Variants in INPP4B observed in about 807,000 individuals in gnomAD.
INPP4B encodes the protein inositol polyphosphate 4-phosphatase type II.
Under a neutral mutation model 122.5 loss-of-function variants are expected in INPP4B, and 55 were observed. That is an observed-to-expected ratio of 0.45 (90% CI 0.36 to 0.56). INPP4B has a LOEUF of 0.56. Among genes scored for constraint, INPP4B ranks in the 20% least tolerant of loss-of-function variants. INPP4B has a pLI of 0.00. For missense variants in INPP4B, 1,000 were observed against 1,097.7 expected (o/e 0.91, Z 1.26); for synonymous variants, 403 against 388.7 (o/e 1.04, Z -0.43).
chr4:142,469,535 G>C (rs1183365039), intron 2 of INPP4B, among the ~76,000 whole-genome samples: 1 of 151,986 alleles, frequency 6.6e-6, no homozygotes, highest in African/African-American at 2.4e-5. Flanking sequence ...AAGTATTCTA[G>C]ATCATAAAGA....
intron 2 of INPP4B, among the ~76,000 whole-genome samples, chr4:142,628,435 T>C (rs1382932114): frequency 1.9e-5 from 1 of 53,292 alleles, no homozygotes; most frequent in Non-Finnish European, 4.8e-5. Flanking sequence ...GGGGGAGGGA[T>C]AGCATTGGGA....
chr4:142,068,551 G>T (rs932127548), intron 25 of INPP4B, among the ~76,000 whole-genome samples: 2 of 152,204 alleles, frequency 1.3e-5, no homozygotes, highest in African/African-American at 2.4e-5. Flanking sequence ...TGGATAAAGA[G>T]TCAAGAGCCA....
In INPP4B at chr4:142,318,907, T is replaced by C. The variant is rs10000951; in HGVS notation, c.373-4145A>G. Reference sequence around the variant, plus strand: ...GCTGCTTCAGCTACCAATACAGCAGTGGAACATAGGACTTTAATGCTCATA... The same window carrying C: ...GCTGCTTCAGCTACCAATACAGCAGCGGAACATAGGACTTTAATGCTCATA... On this transcript the variant is annotated intron_variant, in intron 7 of 25. Transcript: ENST00000262992. 8.5e-3 allele frequency among the ~76,000 whole-genome samples: 1,299 copies of C among 152,298 alleles called. 18 individuals are homozygous for C. The highest frequency in any genetic ancestry group is 0.029 in the African/African-American group (1,220 of 41,560).
chr4:142,545,004 C>T (rs998718214), intron 2 of INPP4B, among the ~76,000 whole-genome samples: 2 of 152,032 alleles, frequency 1.3e-5, no homozygotes, highest in Non-Finnish European at 2.9e-5. Flanking sequence ...AAGAGTTGTA[C>T]ATGTTCAGTT....
chr4:142,437,411 G>A lies in INPP4B; in HGVS notation c.-126-6026C>T, dbSNP rs1906872. On this transcript the variant is annotated intron_variant, in intron 3 of 25. Coordinates refer to ENST00000262992, the MANE Select transcript of INPP4B (RefSeq NM_001101669.3). ...TCAAATTCAAGAAATACAAAGAACC[G>A]CACTAAGATACTCCATTAGAAGATC... Among the ~76,000 whole-genome samples the A allele has an allele frequency of 8.2e-3, 1,247 of 151,970 alleles. 41 individuals are homozygous for A. The highest frequency in any genetic ancestry group is 0.05 in the Admixed American group (770 of 15,254).
At chr4:142,725,151 C>A (rs1220632936) in intron 2 of INPP4B, among the ~76,000 whole-genome samples, 1 of 152,212 alleles carries the variant, frequency 6.6e-6, no homozygotes, top group East Asian at 1.9e-4. Flanking sequence ...CATACTCACA[C>A]TTTGTGTACA....
chr4:142,239,280 T>C (rs1173796392), intron 11 of INPP4B, among the ~76,000 whole-genome samples: 2 of 152,104 alleles, frequency 1.3e-5, no homozygotes, highest in Non-Finnish European at 2.9e-5. Context: ...AACCACCAGA[T>C]TCAAAACTTC....
chr4:142,189,752 G>A (rs142679843), intron 15 of INPP4B, among the ~76,000 whole-genome samples: 33 of 152,246 alleles, frequency 2.2e-4, no homozygotes, highest in African/African-American at 7.0e-4. Flanking sequence ...TTTATATAGC[G>A]TTTTAGAAAC....
At chr4:142,290,309 C>T (rs1423753587) in intron 9 of INPP4B, among the ~76,000 whole-genome samples, 3 of 142,190 alleles carry the variant, frequency 2.1e-5, no homozygotes, top group African/African-American at 5.3e-5. Flanking sequence ...CAGGTTCAAG[C>T]GATTCTCCTG....
chr4:142,539,945 G>A (rs1828741021), intron 2 of INPP4B, among the ~76,000 whole-genome samples: 2 of 151,962 alleles, frequency 1.3e-5, no homozygotes, highest in South Asian at 4.1e-4. Flanking sequence ...AAAATAAAAT[G>A]TTCATGCTAG....
intron 2 of INPP4B, among the ~76,000 whole-genome samples, chr4:142,680,812 G>A (rs142181618): frequency 2.4e-3 from 366 of 151,900 alleles, no homozygotes; most frequent in Non-Finnish European, 2.9e-3. Flanking sequence ...CTAGGTTCTT[G>A]AAACACCAGG....
At chr4:142,833,892 A>G (rs1247910936) in intron 1 of INPP4B, among the ~76,000 whole-genome samples, 1 of 152,164 alleles carries the variant, frequency 6.6e-6, no homozygotes, top group Admixed American at 6.5e-5. Flanking sequence ...GCGCACCCAG[A>G]CTATCTGGTG....
At chr4:142,418,540 G>C (rs1424200329) in intron 5 of INPP4B, among the ~76,000 whole-genome samples, 1 of 152,112 alleles carries the variant, frequency 6.6e-6, no homozygotes, top group Non-Finnish European at 1.5e-5. Context: ...AAACTTGAGA[G>C]TGTTAGGGAC....
intron 1 of INPP4B, among the ~76,000 whole-genome samples, chr4:142,790,425 A>G (rs79304594): frequency 0.014 from 2,176 of 152,298 alleles, 30 homozygotes; most frequent in Non-Finnish European, 0.022. Flanking sequence ...GATATTTCTC[A>G]AAAGAAGATA....
At chr4:142,127,066 C>T (rs1234375064) in intron 18 of INPP4B, among the ~76,000 whole-genome samples, 1 of 152,132 alleles carries the variant, frequency 6.6e-6, no homozygotes, top group Non-Finnish European at 1.5e-5. Flanking sequence ...TAAAATACAT[C>T]TTCTGTGCAG....
intron 2 of INPP4B, chr4:142,654,367 T>TAAAAAAAAAAAAAAAA (rs10677341): frequency 2.0e-5 from 2 of 100,996 alleles, no homozygotes; most frequent in Non-Finnish European, 3.8e-5. Context: ...ACTTAAAGTA[T>TAAAAAAAAAAAAAAAA]AAAAAAAAAA....
rs116270798 is a variant in INPP4B, at chr4:142,361,832, T to C, written c.372+41106A>G. Among the ~76,000 whole-genome samples, 831 of 152,070 alleles carry C rather than the reference T, an allele frequency of 5.5e-3. 5 individuals carry two copies. Among genetic ancestry groups the C allele is most frequent in the South Asian group, 0.016 (77 of 4,830 alleles). ...ATAGTAGACAAAAGAATGAAAATAA[T>C]TAATTTTATAAGTAATTATCAAACA... On this transcript the variant is annotated intron_variant, in intron 7 of 25. Transcript: ENST00000262992.
At chr4:142,821,619 C>T (rs1780801060) in intron 1 of INPP4B, among the ~76,000 whole-genome samples, 1 of 151,988 alleles carries the variant, frequency 6.6e-6, no homozygotes, top group Admixed American at 6.6e-5. Context: ...CCAGTTATAA[C>T]TAGATATACA....
intron 12 of INPP4B, among the ~76,000 whole-genome samples, chr4:142,215,971 C>CAT (rs1240558255): frequency 7.6e-6 from 1 of 132,442 alleles, no homozygotes; most frequent in Non-Finnish European, 1.6e-5. Flanking sequence ...TAAATAGTTG[C>CAT]ATACCATTAC....
Sources: allele counts gnomAD v4.1 joint callset (sites outside exome capture counted in the v4.1 genomes callset), GRCh38; gene constraint gnomAD v4.1.1; transcripts MANE v1.5; gene names NCBI Gene and HGNC (gene_info 2026-07-23, HGNC 2026-07-21).